FERMT2: variants seen among roughly 807,000 people sequenced by gnomAD.
FERMT2 encodes fermitin family homolog 2.
FERMT2 carries 15 observed loss-of-function variants against 82.7 expected under a neutral mutation model. The observed-to-expected ratio is 0.18, with a 90% CI of 0.12 to 0.28. The LOEUF is 0.28. Ranked by LOEUF, FERMT2 falls within the 10% of genes least tolerant of loss-of-function variation. The pLI is 1.00. For synonymous variants in FERMT2, 274 were observed against 271.5 expected (o/e 1.01, Z -0.09); for missense variants, 645 against 809.4 (o/e 0.80, Z 2.46).
intron 4 of FERMT2, among the ~76,000 whole-genome samples, chr14:52,891,625 A>ACTG (rs2139538188): frequency 6.6e-6 from 1 of 152,322 alleles, no homozygotes; most frequent in South Asian, 2.1e-4. Flanking sequence ...AGTGGTGGGC[A>ACTG]CTGCACAGTA....
intron 2 of FERMT2, among the ~76,000 whole-genome samples, chr14:52,949,078 A>T (rs1890493326): frequency 6.6e-6 from 1 of 152,170 alleles, no homozygotes; most frequent in African/African-American, 2.4e-5. Context: ...GCAAAATCTA[A>T]TTTTCACTGG....
intron 4 of FERMT2, among the ~76,000 whole-genome samples, chr14:52,887,651 G>T (rs1015222950): frequency 6.6e-6 from 1 of 151,870 alleles, no homozygotes; most frequent in African/African-American, 2.4e-5. Context: ...AACACAGAGA[G>T]ACCCTGTCTC....
chr14:52,917,891 T>C (rs577219499), intron 3 of FERMT2, among the ~76,000 whole-genome samples: 2 of 152,334 alleles, frequency 1.3e-5, no homozygotes, highest in Admixed American at 1.3e-4. Context: ...AGCACCTCCA[T>C]ACTGTCCACA....
chr14:52,899,604 G>C (rs1887504620), intron 3 of FERMT2, among the ~76,000 whole-genome samples: 1 of 152,162 alleles, frequency 6.6e-6, no homozygotes. Flanking sequence ...ATAATCACTA[G>C]TTTAGGGAAG....
chr14:52,872,848 C>A lies in FERMT2; in HGVS notation c.1224G>T (p.Lys408Asn). The change falls in exon 10 of 15, where the codon AAG (lysine) becomes AAT (asparagine). Residue 408 changes from lysine to asparagine, a missense_variant. Transcript: ENST00000341590. ...TFKDTSISCY[K>N]SKEESSGTPA... ...GTGTGCCACTGGATTCTTCTTTGCT[C>A]TTATAACAAGAAATGGATGTGTCTT... 6.2e-7 allele frequency: 1 copy of A among 1,613,970 alleles called. No homozygotes were observed. The highest frequency in any genetic ancestry group is 1.1e-5 in the South Asian group (1 of 91,072).
chr14:52,898,459 C>T (rs957255102), intron 3 of FERMT2, among the ~76,000 whole-genome samples: 1 of 151,976 alleles, frequency 6.6e-6, no homozygotes, highest in Non-Finnish European at 1.5e-5. Context: ...GGTTCAGAAA[C>T]TCAGAAGTGA....
chr14:52,860,865 T>C, intron 12 of FERMT2: 3 of 671,526 alleles, frequency 4.5e-6, no homozygotes, highest in Middle Eastern at 3.5e-4. Context: ...GCAGGAATAT[T>C]TGTTAGCAGC....
intron 2 of FERMT2, among the ~76,000 whole-genome samples, chr14:52,927,563 C>T (rs2139663979): frequency 8.5e-6 from 1 of 117,470 alleles, no homozygotes; most frequent in South Asian, 3.0e-4. Context: ...CAAGGCCAGC[C>T]TGGGCAACAT....
At chr14:52,906,592 T>C (rs916257242) in intron 3 of FERMT2, among the ~76,000 whole-genome samples, 11 of 151,884 alleles carry the variant, frequency 7.2e-5, no homozygotes, top group Admixed American at 2.6e-4. Flanking sequence ...AATATTGTAA[T>C]AGCTATATAA....
At chr14:52,864,378 A>T in intron 12 of FERMT2, 23 bp downstream of exon 12, 1 of 1,535,102 alleles carries the variant, frequency 6.5e-7, no homozygotes, top group Non-Finnish European at 9.0e-7. Flanking sequence ...AGCACAGTAG[A>T]TGAAGTAAAA....
chr14:52,859,817 ATTC>A (rs1192082831), intron 13 of FERMT2, 103 bp from the exon 14 acceptor site: 2 of 604,214 alleles, frequency 3.3e-6, no homozygotes, highest in Non-Finnish European at 5.2e-6. Context: ...AAAGAGTACT[ATTC>A]TTTTTTTTTT....
At chr14:52,878,555 G>C in intron 7 of FERMT2, 27 bp downstream of exon 7, 1 of 1,371,124 alleles carries the variant, frequency 7.3e-7, no homozygotes, top group Non-Finnish European at 1.0e-6. Context: ...ACCGGAATAA[G>C]TCCCATTTAC....
At chr14:52,866,917 CT>C (rs1232277413) in intron 10 of FERMT2, among the ~76,000 whole-genome samples, 2 of 152,114 alleles carry the variant, frequency 1.3e-5, no homozygotes, top group African/African-American at 4.8e-5. Flanking sequence ...CCGAGCAACC[CT>C]GCTCCACCAC....
intron 2 of FERMT2, among the ~76,000 whole-genome samples, chr14:52,919,676 A>G (rs941023443): frequency 4.4e-4 from 67 of 152,206 alleles, no homozygotes; most frequent in African/African-American, 1.5e-3. Context: ...AATAGGAAGG[A>G]TTAATAAAGA....
chr14:52,939,008 T>C (rs1889972583), intron 2 of FERMT2, among the ~76,000 whole-genome samples: 1 of 151,838 alleles, frequency 6.6e-6, no homozygotes, highest in South Asian at 2.1e-4. Context: ...TGATGCAAAG[T>C]AGCACAATAA....
chr14:52,943,943 A>C (rs1197949022), intron 2 of FERMT2, among the ~76,000 whole-genome samples: 11 of 152,216 alleles, frequency 7.2e-5, no homozygotes, highest in African/African-American at 1.9e-4. Context: ...TATTTTTAGC[A>C]TCTCTATAAA....
At chr14:52,885,141 C>T (rs558194315) in intron 4 of FERMT2, among the ~76,000 whole-genome samples, 18 of 151,692 alleles carry the variant, frequency 1.2e-4, no homozygotes, top group African/African-American at 2.7e-4. Flanking sequence ...GGTGAAACCC[C>T]GTCTCTACTA....
chr14:52,926,296 C>A (rs761068677), intron 2 of FERMT2, among the ~76,000 whole-genome samples: 42 of 152,094 alleles, frequency 2.8e-4, no homozygotes, highest in Non-Finnish European at 5.3e-4. Flanking sequence ...GGAAAACTTT[C>A]CATACAGGAA....
intron 2 of FERMT2, among the ~76,000 whole-genome samples, chr14:52,947,888 G>A (rs571322972): frequency 6.6e-6 from 1 of 152,208 alleles, no homozygotes; most frequent in African/African-American, 2.4e-5. Context: ...TCGACTTCAG[G>A]GAAATAATTG....
Sources: allele counts gnomAD v4.1 joint callset (sites outside exome capture counted in the v4.1 genomes callset), GRCh38; gene constraint gnomAD v4.1.1; transcripts MANE v1.5; gene names NCBI Gene and HGNC (gene_info 2026-07-23, HGNC 2026-07-21).